LMO7: variants seen among roughly 807,000 people sequenced by gnomAD.
The protein encoded by LMO7 is LIM domain only protein 7.
A neutral mutation model predicts 206.5 loss-of-function variants in LMO7; 120 were observed. The observed-to-expected ratio is 0.58, with a 90% confidence interval of 0.50 to 0.68. The LOEUF (loss-of-function observed/expected upper bound fraction) is 0.68, where lower values mean the gene tolerates loss of function less well. LMO7 is among the 30% of genes least tolerant of loss of function. The pLI is 0.00. For synonymous variants in LMO7, 706 were observed against 681.5 expected, an observed-to-expected ratio of 1.04 and a Z score of -0.56; for missense variants, 1,959 against 1,957.9, an observed-to-expected ratio of 1.00 and a Z score of -0.01.
In LMO7 at chr13:75,853,096, G is replaced by A. The variant is rs774848818; in HGVS notation, c.4369G>A (p.Glu1457Lys). Residue 1457 changes from glutamate (E) to lysine (K), a missense_variant, in exon 28 of 31, where the codon GAA becomes AAA. Coordinates refer to ENST00000377534, the MANE Select transcript of LMO7 (RefSeq NM_001306080.2). The stretch of plus-strand genomic sequence containing the variant: ...TGAGTCTTTTTTGTGTTTCAGAGGC[G>A]AATCTTTAGATAACCTGGACTCCCC... Reference protein sequence around the residue: ...VSLPGIMRRGESLDNLDSPRS... With the variant: ...VSLPGIMRRGKSLDNLDSPRS... The A allele has an allele frequency of 5.0e-6, 8 of 1,590,572 alleles. No homozygotes were observed. Among genetic ancestry groups the A allele is most frequent in the South Asian group, 1.1e-5 (1 of 88,776 alleles).
chr13:75,728,645 C>T (rs997035994), intron 3 of LMO7, among the ~76,000 whole-genome samples: 42 of 139,642 alleles, frequency 3.0e-4, no homozygotes, highest in Non-Finnish European at 2.0e-4. Context: ...TCCCATTTGT[C>T]AATTTTGGCT....
At chr13:75,661,165 A>C (rs1385497170) in intron 1 of LMO7, among the ~76,000 whole-genome samples, 3 of 152,148 alleles carry the variant, frequency 2.0e-5, no homozygotes, top group African/African-American at 7.2e-5. Context: ...TGTTTGCATA[A>C]CTTTGTCTCC....
At position 75,807,697 on chromosome 13, in the gene LMO7, C is replaced by T. The variant is rs756483135; in HGVS notation, c.1414C>T (p.His472Tyr). Residue 472 changes from histidine to tyrosine, a missense_variant, in exon 10 of 31, where the codon CAT (histidine) becomes TAT (tyrosine). By Grantham distance (83) the His-to-Tyr change is moderately conservative. Transcript: ENST00000377534. The stretch of plus-strand genomic sequence containing the variant: ...CTTTGTCAGAAAGACTGGGGCTTTC[C>T]ATGCAAATCCATATGTTCTCCGAGC... ...DFFVRKTGAF[H>Y]ANPYVLRAFE... 2 of 1,613,858 alleles carry T rather than the reference C, an allele frequency of 1.2e-6. No homozygotes were observed. The highest frequency in any genetic ancestry group is 1.7e-5 in the Admixed American group (1 of 59,996).
At chr13:75,640,774 T>C (rs1184340920) in intron 1 of LMO7, among the ~76,000 whole-genome samples, 1 of 152,240 alleles carries the variant, frequency 6.6e-6, no homozygotes, top group Non-Finnish European at 1.5e-5. Context: ...CATTTCTTCT[T>C]CCAGCAGAAA....
chr13:75,850,319 T>C (rs2060389826), intron 27 of LMO7, among the ~76,000 whole-genome samples: 1 of 152,192 alleles, frequency 6.6e-6, no homozygotes, highest in Non-Finnish European at 1.5e-5. Flanking sequence ...TTCCACTTGG[T>C]TGGACAGTTT....
Position 75,855,380 on chromosome 13 carries a change from A to G in LMO7, c.4770+12A>G. On this transcript the variant is annotated intron_variant, in intron 29 of 30. Coordinates refer to ENST00000377534, the MANE Select transcript of LMO7 (RefSeq NM_001306080.2). ...TGCATTGTTTTAAGGTGAGACTGAGACAAACAGCTTGCAGGCCTGCAAAGC... is the reference window on the plus strand; with the variant it reads ...TGCATTGTTTTAAGGTGAGACTGAGGCAAACAGCTTGCAGGCCTGCAAAGC... 1 of 1,566,588 alleles carries G rather than the reference A, an allele frequency of 6.4e-7. No individual in the cohort carries two copies. The highest frequency in any genetic ancestry group is 1.1e-5 in the South Asian group (1 of 89,714).
intron 4 of LMO7, among the ~76,000 whole-genome samples, chr13:75,781,031 A>G (rs567998916): frequency 7.9e-5 from 11 of 139,468 alleles, no homozygotes; most frequent in African/African-American, 2.2e-4. Context: ...TAAAAAATAC[A>G]TTTATAATTA....
intron 3 of LMO7, among the ~76,000 whole-genome samples, chr13:75,759,208 A>G (rs1004218956): frequency 6.6e-5 from 10 of 152,160 alleles, no homozygotes; most frequent in African/African-American, 2.4e-4. Flanking sequence ...CTCCCTTGGC[A>G]TGCAGGGATT....
chr13:75,831,136 C>G (rs768765525), intron 15 of LMO7, among the ~76,000 whole-genome samples: 3 of 152,076 alleles, frequency 2.0e-5, no homozygotes, highest in Non-Finnish European at 2.9e-5. Flanking sequence ...TTATATTCTT[C>G]AGATTGGCAT....
intron 3 of LMO7, among the ~76,000 whole-genome samples, chr13:75,757,115 T>C (rs1033013965): frequency 2.0e-5 from 3 of 152,206 alleles, no homozygotes; most frequent in African/African-American, 7.2e-5. Flanking sequence ...ATCTTGCTCC[T>C]TGGATCACGG....
At chr13:75,655,851 G>A (rs1376613906) in intron 1 of LMO7, among the ~76,000 whole-genome samples, 2 of 152,012 alleles carry the variant, frequency 1.3e-5, no homozygotes, top group Non-Finnish European at 2.9e-5. Flanking sequence ...CCCCTGAGGT[G>A]TGTGGTTAAT....
chr13:75,738,533 G>A (rs191797598), intron 3 of LMO7, among the ~76,000 whole-genome samples: 2 of 152,058 alleles, frequency 1.3e-5, no homozygotes, highest in Non-Finnish European at 2.9e-5. Flanking sequence ...ACTTGGCTGA[G>A]TTTAATTTTA....
intron 3 of LMO7, among the ~76,000 whole-genome samples, chr13:75,733,161 A>G (rs945001639): frequency 6.6e-6 from 1 of 152,234 alleles, no homozygotes; most frequent in African/African-American, 2.4e-5. Flanking sequence ...CAAAGCTGTC[A>G]GACAGGGACA....
chr13:75,824,446 A>G (rs1417329679), intron 15 of LMO7, among the ~76,000 whole-genome samples: 10 of 152,178 alleles, frequency 6.6e-5, no homozygotes, highest in African/African-American at 2.4e-4. Flanking sequence ...TTATAATATG[A>G]CAATTGTATT....
chr13:75,818,609 C>T (rs750352041), intron 12 of LMO7, among the ~76,000 whole-genome samples: 4 of 152,168 alleles, frequency 2.6e-5, no homozygotes, highest in Non-Finnish European at 4.4e-5. Flanking sequence ...TTAGGCTTAA[C>T]GTTCCTGGGG....
intron 3 of LMO7, among the ~76,000 whole-genome samples, chr13:75,758,903 T>G (rs1230069112): frequency 6.6e-6 from 1 of 152,194 alleles, no homozygotes; most frequent in Non-Finnish European, 1.5e-5. Context: ...TTTATTGATA[T>G]GAGACTTGCA....
chr13:75,687,160 T>G (rs2041084096), intron 1 of LMO7, among the ~76,000 whole-genome samples: 1 of 152,206 alleles, frequency 6.6e-6, no homozygotes, highest in South Asian at 2.1e-4. Flanking sequence ...TGGATTTATT[T>G]TTTGTGACTG....
intron 18 of LMO7, among the ~76,000 whole-genome samples, chr13:75,836,021 T>C (rs1286397630): frequency 1.3e-5 from 2 of 152,176 alleles, no homozygotes; most frequent in African/African-American, 4.8e-5. Flanking sequence ...TATAACTCTT[T>C]TATTTAATAA....
chr13:75,717,219 C>T (rs868220089), intron 2 of LMO7, among the ~76,000 whole-genome samples: 65 of 151,876 alleles, frequency 4.3e-4, no homozygotes, highest in African/African-American at 1.4e-3. Context: ...AAAAATTAGC[C>T]GGGTGTGGTG....
Sources: allele counts gnomAD v4.1 joint callset (sites outside exome capture counted in the v4.1 genomes callset), GRCh38; gene constraint gnomAD v4.1.1; transcripts MANE v1.5; gene names NCBI Gene and HGNC (gene_info 2026-07-23, HGNC 2026-07-21).